The following ENAH variants were observed in gnomAD, a reference collection of about 807,000 sequenced individuals.
ENAH encodes the protein ENAH actin regulator.
Under a neutral mutation model 78.7 loss-of-function variants are expected in ENAH, and 23 were observed. The ratio of observed to expected loss-of-function variants is 0.29; its 90% CI spans 0.21 to 0.41. The LOEUF is 0.41. ENAH is among the 10% of genes least tolerant of loss of function. ENAH has a pLI of 1.00. For synonymous variants in ENAH, 226 were observed against 241.0 expected (o/e 0.94, Z 0.58); for missense variants, 544 against 691.0 (o/e 0.79, Z 2.39).
rs570551582 is a variant in ENAH at position 225,529,391 on chromosome 1, T to C, written c.434+1163A>G. ...GGTTAATTCCTTCTTTTCATCTCAA[T>C]GAGATCTACCCTGACCACTCTATTT... On this transcript the variant is annotated intron_variant, in intron 4 of 13. Transcript: ENST00000366843. 1.4e-3 allele frequency among the ~76,000 whole-genome samples: 207 copies of C among 148,480 alleles called. 1 individual carries two copies. The highest frequency in any genetic ancestry group is 2.0e-3 in the Admixed American group (30 of 14,946).
At chr1:225,638,323 T>G (rs1308911140) in intron 1 of ENAH, among the ~76,000 whole-genome samples, 2 of 152,116 alleles carry the variant, frequency 1.3e-5, no homozygotes, top group Middle Eastern at 3.2e-3. Flanking sequence ...CACACCCAGC[T>G]AATATTATTT....
At chr1:225,646,545 C>T (rs1244992711) in intron 1 of ENAH, among the ~76,000 whole-genome samples, 1 of 152,122 alleles carries the variant, frequency 6.6e-6, no homozygotes, top group African/African-American at 2.4e-5. Context: ...AGGCCGGGCG[C>T]TGTGGCTCCC....
At chr1:225,581,573 T>C (rs1361179003) in intron 1 of ENAH, among the ~76,000 whole-genome samples, 1 of 152,192 alleles carries the variant, frequency 6.6e-6, no homozygotes, top group Non-Finnish European at 1.5e-5. Context: ...AGCAGAATAC[T>C]ATAGAATCTC....
intron 3 of ENAH, among the ~76,000 whole-genome samples, chr1:225,544,832 GAAAAAATCACAA>G (rs900873943): frequency 2.0e-5 from 3 of 152,120 alleles, no homozygotes; most frequent in Admixed American, 1.3e-4. Context: ...ATATAATTAT[GAAAAAATCACAA>G]AAAAAATCAC....
At chr1:225,500,282 C>G (rs2151035466) in intron 12 of ENAH, among the ~76,000 whole-genome samples, 2 of 152,306 alleles carry the variant, frequency 1.3e-5, no homozygotes, top group East Asian at 3.9e-4. Context: ...TTATCACTTA[C>G]TACTTTTTCC....
chr1:225,525,950 C>T (rs1270865041), intron 4 of ENAH, among the ~76,000 whole-genome samples: 1 of 152,030 alleles, frequency 6.6e-6, no homozygotes, highest in Non-Finnish European at 1.5e-5. Context: ...TGACCTAAAC[C>T]AGAAGCTAGC....
rs1248737925 is a variant in ENAH, at chr1:225,497,522, AG to A, written c.*252del. 3.1e-6 allele frequency: 1 copy of A among 322,100 alleles called. No individual in the cohort carries two copies. Among genetic ancestry groups the A allele is most frequent in the Non-Finnish European group, 5.7e-6 (1 of 174,594 alleles). The allele number at this position is 322,100 out of a possible 1,614,324, so 20.0% of individuals were successfully genotyped here. ...TTAGTATTTTCTGCATAACTGTTACAGGAACTCTTAAATGATTCTCTTCCAT... is the reference window on the plus strand; with the variant it reads ...TTAGTATTTTCTGCATAACTGTTACAGAACTCTTAAATGATTCTCTTCCAT... On this transcript the variant is annotated 3_prime_UTR_variant, in exon 14 of 14. Transcript: ENST00000366843.
rs2096207690 is a variant in ENAH, at chr1:225,488,172, TTTATTTA to T, written c.*9596_*9602del. ...CAAGGACAAGGTTTTTATTTATTTA[TTTATTTA>T]TTATTTATTTATTTATTTTTTAAGG... On this transcript the variant is annotated 3_prime_UTR_variant, in exon 14 of 14. Transcript: ENST00000366843. The T allele has an allele frequency of 6.6e-6, 1 of 151,594 alleles. No homozygotes were observed. The highest frequency in any genetic ancestry group is 1.5e-5 in the Non-Finnish European group (1 of 67,922). The allele number at this position is 151,594 out of a possible 1,614,324, so 9.4% of individuals were successfully genotyped here.
intron 9 of ENAH, 110 bp from the exon 10 acceptor site, chr1:225,511,969 CTCTT>C: frequency 1.6e-6 from 1 of 626,864 alleles, no homozygotes; most frequent in Non-Finnish European, 2.7e-6. Flanking sequence ...TCCCCACTTT[CTCTT>C]TCATCGGTCT....
At chr1:225,567,990 TG>T (rs2151515747) in intron 1 of ENAH, among the ~76,000 whole-genome samples, 1 of 152,250 alleles carries the variant, frequency 6.6e-6, no homozygotes, top group East Asian at 1.9e-4. Context: ...TAACAACCAA[TG>T]GATGGCAGTG....
At chr1:225,653,328 G>A (rs1253029954), upstream of ENAH, among the ~76,000 whole-genome samples, 1 of 151,486 alleles carries the variant, frequency 6.6e-6, no homozygotes, top group Non-Finnish European at 1.5e-5. The surrounding 1 kb of genome is among the most constrained non-coding windows in gnomAD (Gnocchi z 4.3). Flanking sequence ...GAGAGAGCGA[G>A]CGCGACGGCG....
intron 1 of ENAH, among the ~76,000 whole-genome samples, chr1:225,601,303 G>T (rs753904679): frequency 6.6e-6 from 1 of 152,106 alleles, no homozygotes; most frequent in South Asian, 2.1e-4. Context: ...GGCGGATCAC[G>T]ATGTCAGGAG....
intron 1 of ENAH, among the ~76,000 whole-genome samples, chr1:225,615,257 C>G (rs990990921): frequency 2.6e-5 from 4 of 152,228 alleles, no homozygotes; most frequent in African/African-American, 9.6e-5. Context: ...GTTGGCCCGA[C>G]TGGTCTCCAG....
chr1:225,527,688 G>C (rs1449801487), intron 4 of ENAH, among the ~76,000 whole-genome samples: 2 of 152,158 alleles, frequency 1.3e-5, no homozygotes, highest in Admixed American at 1.3e-4. Context: ...CATACCACTG[G>C]TCCTGGAGGG....
intron 1 of ENAH, among the ~76,000 whole-genome samples, chr1:225,581,836 G>A (rs1025845513): frequency 1.2e-4 from 18 of 147,562 alleles, no homozygotes; most frequent in African/African-American, 4.2e-4. Context: ...CCACAGGCAC[G>A]CACCACCACA....
intron 1 of ENAH, among the ~76,000 whole-genome samples, chr1:225,602,295 T>C (rs760578738): frequency 3.4e-4 from 51 of 152,172 alleles, no homozygotes; most frequent in Non-Finnish European, 6.8e-4. Flanking sequence ...TGGATTCTAC[T>C]AAGCTTTTAA....
chr1:225,638,330 A>G (rs1029979399), intron 1 of ENAH, among the ~76,000 whole-genome samples: 1 of 151,924 alleles, frequency 6.6e-6, no homozygotes, highest in Non-Finnish European at 1.5e-5. Flanking sequence ...AGCTAATATT[A>G]TTTTTTGTAT....
At chr1:225,498,497 G>T in intron 12 of ENAH, 93 bp from the exon 13 acceptor site, 2 of 762,634 alleles carry the variant, frequency 2.6e-6, no homozygotes, top group Non-Finnish European at 4.2e-6. Flanking sequence ...CATGAAATAT[G>T]ATGTGTAGTT....
At position 225,545,997 on chromosome 1, in the gene ENAH, C is replaced by T. The variant is rs187177938; in HGVS notation, c.349+8909G>A. On this transcript the variant is annotated intron_variant, in intron 3 of 13. Coordinates refer to ENST00000366843, the MANE Select transcript of ENAH (RefSeq NM_018212.6). ...GTGGTGCAGTGGCGTGATCATAGCT[C>T]ACTGTAAACTCAAACTCCCAGGCTC... Among the ~76,000 whole-genome samples the T allele has an allele frequency of 6.8e-5, 10 of 146,442 alleles. No individual in the cohort carries two copies. The East Asian group carries it at 2.0e-3, about 30-fold the overall frequency.
Sources: allele counts gnomAD v4.1 joint callset (sites outside exome capture counted in the v4.1 genomes callset), GRCh38; gene constraint gnomAD v4.1.1; non-coding constraint Gnocchi (gnomAD v3.1); transcripts MANE v1.5; gene names NCBI Gene and HGNC (gene_info 2026-07-23, HGNC 2026-07-21).